POU2F1: variants seen among roughly 807,000 people sequenced by gnomAD.
POU2F1 encodes the protein POU domain, class 2, transcription factor 1.
In POU2F1, 16 loss-of-function variants were observed where a neutral mutation model predicts 84.9. The ratio of observed to expected loss-of-function variants is 0.19; its 90% CI spans 0.13 to 0.29. The LOEUF (loss-of-function observed/expected upper bound fraction) is 0.29, where lower values mean the gene tolerates loss of function less well. Among genes scored for constraint, POU2F1 ranks in the 10% least tolerant of loss-of-function variants. The pLI, the probability that POU2F1 is intolerant of heterozygous loss-of-function variation, is 1.00. For synonymous variants in POU2F1, 368 were observed against 368.3 expected, an observed-to-expected ratio of 1.00 and a Z score of 0.01; for missense variants, 738 against 942.6, an observed-to-expected ratio of 0.78 and a Z score of 2.84.
rs549700821 is a variant in POU2F1, at chr1:167,401,601, C to T, written c.1555+45C>T. 12 of 1,363,478 alleles carry T rather than the reference C, an allele frequency of 8.8e-6. No individual in the cohort carries two copies. In the East Asian group the frequency reaches 3.0e-4, roughly 34 times the overall value. 84.5% of individuals were successfully genotyped at this position (1,363,478 alleles called of 1,614,324 possible). On this transcript the variant is annotated intron_variant, in intron 13 of 15. Transcript: ENST00000367866. ...TGCACCTGCTGAGCACATGGGAGGC[C>T]CGTTTTGGGTTATTATAAGAGTCTA...
intron 1 of POU2F1, among the ~76,000 whole-genome samples, chr1:167,325,825 G>T (rs958806979): frequency 1.3e-5 from 2 of 150,838 alleles, no homozygotes; most frequent in African/African-American, 4.9e-5. Context: ...GAAGGCAGAG[G>T]TTGTAGCAAG....
At chr1:167,394,600 A>G (rs759883939) in intron 9 of POU2F1, among the ~76,000 whole-genome samples, 2 of 152,218 alleles carry the variant, frequency 1.3e-5, no homozygotes, top group African/African-American at 2.4e-5. Flanking sequence ...ACTTATGGCT[A>G]TTGAGCACTT....
chr1:167,359,800 A>G (rs1057092711), intron 2 of POU2F1, among the ~76,000 whole-genome samples: 2 of 147,564 alleles, frequency 1.4e-5, no homozygotes, highest in Non-Finnish European at 3.0e-5. Flanking sequence ...TCCTACCAAC[A>G]GTGTGTACGT....
intron 1 of POU2F1, among the ~76,000 whole-genome samples, chr1:167,266,620 T>TG (rs1449102699): frequency 3.3e-5 from 5 of 150,602 alleles, no homozygotes; most frequent in African/African-American, 1.2e-4. Context: ...GTAATACTAT[T>TG]AATTTTTTTT....
chr1:167,300,474 T>G (rs1297619555), intron 1 of POU2F1, among the ~76,000 whole-genome samples: 1 of 152,196 alleles, frequency 6.6e-6, no homozygotes, highest in Non-Finnish European at 1.5e-5. Context: ...TATTTTTTAT[T>G]TATTTTTTTG....
intron 1 of POU2F1, among the ~76,000 whole-genome samples, chr1:167,288,809 T>A (rs1653711044): frequency 6.6e-6 from 1 of 152,242 alleles, no homozygotes; most frequent in Admixed American, 6.5e-5. Context: ...TTGTGTTTGA[T>A]TTATAGTTTG....
chr1:167,353,678 T>C (rs1658739110), intron 2 of POU2F1, among the ~76,000 whole-genome samples: 1 of 152,234 alleles, frequency 6.6e-6, no homozygotes, highest in African/African-American at 2.4e-5. Context: ...TTCCTTGCAA[T>C]CTGGATGTGT....
intron 8 of POU2F1, among the ~76,000 whole-genome samples, chr1:167,388,062 A>G (rs1163721687): frequency 6.6e-6 from 1 of 152,212 alleles, no homozygotes; most frequent in Non-Finnish European, 1.5e-5. Flanking sequence ...AAAGGAAGAA[A>G]GCAAATTGGA....
intron 2 of POU2F1, among the ~76,000 whole-genome samples, chr1:167,336,941 G>A (rs968745865): frequency 3.9e-5 from 6 of 151,932 alleles, no homozygotes; most frequent in East Asian, 3.9e-4. Context: ...CAAGGTGGGC[G>A]GATCACCTGA....
At chr1:167,396,616 G>T in intron 10 of POU2F1, 189 bp downstream of exon 10, 1 of 595,266 alleles carries the variant, frequency 1.7e-6, no homozygotes, top group Non-Finnish European at 2.8e-6. Context: ...AAATATTCTA[G>T]TAATTACAGT....
At position 167,415,943 on chromosome 1, in the gene POU2F1, A is replaced by G; in HGVS notation, c.*133A>G. Reference sequence around the variant, plus strand: ...GTGAGGGCAAAGGAGAGAAGGGAGAAAAAAAAAAAAAAACCACACACACCC... The same window carrying G: ...GTGAGGGCAAAGGAGAGAAGGGAGAGAAAAAAAAAAAAACCACACACACCC... On this transcript the variant is annotated 3_prime_UTR_variant, in exon 16 of 16. Transcript: ENST00000367866. The G allele has an allele frequency of 4.8e-6, 4 of 839,190 alleles. No individual in the cohort carries two copies. The highest frequency in any genetic ancestry group is 7.2e-6 in the Non-Finnish European group (4 of 555,474). 52.0% of individuals were successfully genotyped at this position (839,190 alleles called of 1,614,324 possible).
At chr1:167,273,601 G>A (rs923238688) in intron 1 of POU2F1, among the ~76,000 whole-genome samples, 9 of 152,250 alleles carry the variant, frequency 5.9e-5, no homozygotes, top group East Asian at 3.8e-4. Context: ...AGCCTGAGAC[G>A]TATCTGGGCC....
In POU2F1 at chr1:167,408,120, A is replaced by G. The variant is rs375011359; in HGVS notation, c.1556-3839A>G. ...AGATATAGGAGTGACTAGTAAGCAC[A>G]TGGAGAGATATGTGACATTAGCATT... is the stretch of plus-strand genomic sequence containing the variant. On this transcript the variant is annotated intron_variant, in intron 13 of 15. Coordinates refer to ENST00000367866, the MANE Select transcript of POU2F1 (RefSeq NM_002697.4). 4.1e-4 allele frequency among the ~76,000 whole-genome samples: 63 copies of G among 152,330 alleles called. No individual in the cohort carries two copies. In the South Asian group the frequency reaches 0.012, roughly 29 times the overall value.
rs568878051 is a variant in POU2F1 at position 167,269,145 on chromosome 1, TAAC to T, written c.61+48190_61+48192del. 2.2e-3 allele frequency among the ~76,000 whole-genome samples: 331 copies of T among 152,142 alleles called. 1 individual carries two copies. Among genetic ancestry groups the T allele is most frequent in the Middle Eastern group, 0.017 (5 of 294 alleles). ...TTTTCATTGGGATTGAACTGAGAAA[TAAC>T]AAACAAGCTTTAAGTGGGAAATTAA... On this transcript the variant is annotated intron_variant, in intron 1 of 15. Transcript: ENST00000367866.
intron 2 of POU2F1, 82 bp downstream of exon 2, chr1:167,332,617 T>A: frequency 1.7e-6 from 2 of 1,172,096 alleles, no homozygotes; most frequent in Non-Finnish European, 1.3e-6. Flanking sequence ...GGACTTGTAT[T>A]TGGCAAATAC....
intron 1 of POU2F1, among the ~76,000 whole-genome samples, chr1:167,296,185 CA>C (rs1377392558): frequency 6.6e-6 from 1 of 152,136 alleles, no homozygotes; most frequent in Non-Finnish European, 1.5e-5. Flanking sequence ...GAGCTAAACT[CA>C]GGCCAAATGG....
chr1:167,297,355 C>A (rs1654353763), intron 1 of POU2F1, among the ~76,000 whole-genome samples: 1 of 152,164 alleles, frequency 6.6e-6, no homozygotes, highest in Admixed American at 6.5e-5. Context: ...ATTGAGAAAC[C>A]AGAAGCTTCA....
At chr1:167,409,604 C>T (rs745772439) in intron 13 of POU2F1, among the ~76,000 whole-genome samples, 5 of 152,092 alleles carry the variant, frequency 3.3e-5, no homozygotes, top group Non-Finnish European at 7.4e-5. Context: ...ATATTGGAGA[C>T]GCCTAGAACA....
rs150254224 is a variant in POU2F1, at chr1:167,416,385, ATTG to A, written c.*587_*589del. 0.014 allele frequency: 2,602 copies of A among 188,848 alleles called. 71 individuals are homozygous for A. The highest frequency in any genetic ancestry group is 0.058 in the African/African-American group (2,401 of 41,584). 11.7% of individuals were successfully genotyped at this position (188,848 alleles called of 1,614,324 possible). Reference sequence around the variant, plus strand: ...GGCAGGCCTGTATTACTGTATTATTATTGTTGTTGTTGTTATTGTTTTATATAT... The same window carrying A: ...GGCAGGCCTGTATTACTGTATTATTATTGTTGTTGTTATTGTTTTATATAT... On this transcript the variant is annotated 3_prime_UTR_variant, in exon 16 of 16. Transcript: ENST00000367866.
Sources: gnomAD v4.1 joint callset for allele counts (sites outside exome capture counted in the v4.1 genomes callset) on GRCh38, gnomAD v4.1.1 for gene constraint, MANE v1.5 for transcripts, NCBI Gene and HGNC (gene_info 2026-07-23, HGNC 2026-07-21) for gene names.